Variants in ZFYVE9 observed in about 807,000 individuals in gnomAD.
ZFYVE9 encodes zinc finger FYVE domain-containing protein 9.
A neutral mutation model predicts 126.7 loss-of-function variants in ZFYVE9; 43 were observed. That is an observed-to-expected ratio of 0.34 (90% CI 0.27 to 0.44). The LOEUF (loss-of-function observed/expected upper bound fraction) is 0.44. ZFYVE9 is among the 20% of genes least tolerant of loss of function. The pLI, the probability that ZFYVE9 is intolerant of heterozygous loss-of-function variation, is 1.00. For missense variants in ZFYVE9, 1,476 were observed against 1,697.0 expected (o/e 0.87, Z 2.29); for synonymous variants, 521 against 597.4 (o/e 0.87, Z 1.87).
intron 2 of ZFYVE9, among the ~76,000 whole-genome samples, chr1:52,223,658 C>T (rs1050775749): frequency 6.6e-6 from 1 of 152,078 alleles, no homozygotes; most frequent in African/African-American, 2.4e-5. Context: ...ATTCTATGGG[C>T]CTTTCATCTT....
chr1:52,323,913 G>T (rs1295776119), intron 13 of ZFYVE9, among the ~76,000 whole-genome samples: 1 of 88,888 alleles, frequency 1.1e-5, no homozygotes, highest in Non-Finnish European at 2.5e-5. Flanking sequence ...AAAAAAAAAA[G>T]CCAGGCGTGA....
At chr1:52,301,350 G>A (rs1294945501) in intron 12 of ZFYVE9, among the ~76,000 whole-genome samples, 1 of 125,908 alleles carries the variant, frequency 7.9e-6, no homozygotes, top group African/African-American at 3.0e-5. Context: ...TGCCCAGGCT[G>A]GAGTGCAGTG....
chr1:52,298,031 G>A (rs904559749), intron 12 of ZFYVE9, among the ~76,000 whole-genome samples: 1 of 152,056 alleles, frequency 6.6e-6, no homozygotes, highest in African/African-American at 2.4e-5. Flanking sequence ...GGTTAAATTT[G>A]TTATATATTC....
chr1:52,186,520 A>G (rs1282018903), intron 1 of ZFYVE9, among the ~76,000 whole-genome samples: 1 of 152,156 alleles, frequency 6.6e-6, no homozygotes, highest in Non-Finnish European at 1.5e-5. Context: ...GAAAAGAAGT[A>G]AAACTATCAT....
At position 52,239,079 on chromosome 1, in the gene ZFYVE9, T is replaced by G. The variant is rs1416070640; in HGVS notation, c.1662T>G (p.Val554=). The change falls in exon 4 of 19, where the codon GTT becomes GTG. Residue 554 remains valine, a synonymous_variant. Transcript: ENST00000287727. ...ATTTACATAATTTCTGTAGTCAAGT[T>G]CCATCAGTGCTTGGGCAATCTTCCC... ...KNYLHNFCSQ[V]PSVLGQSSPK... is the part of the protein sequence containing the mutation. The G allele has an allele frequency of 1.2e-6, 2 of 1,614,124 alleles. No individual in the cohort carries two copies. Among genetic ancestry groups the G allele is most frequent in the South Asian group, 2.2e-5 (2 of 91,090 alleles).
intron 12 of ZFYVE9, among the ~76,000 whole-genome samples, chr1:52,303,429 T>C (rs1646053708): frequency 6.6e-6 from 1 of 152,178 alleles, no homozygotes; most frequent in African/African-American, 2.4e-5. Context: ...AGATATTCAT[T>C]GAGTGCCTAA....
chr1:52,244,819 C>T (rs968907560), intron 4 of ZFYVE9, among the ~76,000 whole-genome samples: 8 of 152,118 alleles, frequency 5.3e-5, no homozygotes, highest in Admixed American at 2.6e-4. Context: ...TGTGCTACTA[C>T]CTGTCTACCT....
At chr1:52,287,137 C>T (rs189374487) in intron 10 of ZFYVE9, among the ~76,000 whole-genome samples, 197 of 151,966 alleles carry the variant, frequency 1.3e-3, no homozygotes, top group African/African-American at 4.4e-3. Context: ...TCGCCCGGGC[C>T]GGAGTGCAGT....
At chr1:52,309,146 A>G (rs557675527) in intron 13 of ZFYVE9, among the ~76,000 whole-genome samples, 23 of 152,192 alleles carry the variant, frequency 1.5e-4, no homozygotes, top group Non-Finnish European at 2.6e-4. Flanking sequence ...GATGAATGAA[A>G]GATTTGAAAT....
At chr1:52,254,069 A>G (rs764310301) in intron 4 of ZFYVE9, 57 of 767,506 alleles carry the variant, frequency 7.4e-5, no homozygotes, top group Non-Finnish European at 1.8e-5. Context: ...AATGGAAAAG[A>G]CACCCACCCA....
intron 10 of ZFYVE9, among the ~76,000 whole-genome samples, chr1:52,290,261 G>C (rs1569682254): frequency 6.6e-6 from 1 of 152,292 alleles, no homozygotes; most frequent in African/African-American, 2.4e-5. Context: ...GTGCGTGAGG[G>C]CATGTGTATA....
At chr1:52,281,436 ATCATTTTTCCAAG>A (rs1197562316) in intron 9 of ZFYVE9, among the ~76,000 whole-genome samples, 1 of 152,136 alleles carries the variant, frequency 6.6e-6, no homozygotes, top group African/African-American at 2.4e-5. Flanking sequence ...GCCGTCCTCA[ATCATTTTTCCAAG>A]TGTTTAGAAA....
chr1:52,225,925 C>T (rs1645166647), intron 2 of ZFYVE9, among the ~76,000 whole-genome samples: 1 of 152,060 alleles, frequency 6.6e-6, no homozygotes, highest in Non-Finnish European at 1.5e-5. Context: ...GTTTAATAAA[C>T]AGAAGAAAGG....
intron 1 of ZFYVE9, among the ~76,000 whole-genome samples, chr1:52,189,556 A>G (rs1644798071): frequency 6.6e-6 from 1 of 151,928 alleles, no homozygotes; most frequent in Non-Finnish European, 1.5e-5. Context: ...GATTTTTAGT[A>G]GAGATGGGGT....
In ZFYVE9 at chr1:52,251,026, TTTGTTGTTGTTG is replaced by T. The variant is rs200636201; in HGVS notation, c.2178+11458_2178+11469del. Among the ~76,000 whole-genome samples the T allele has an allele frequency of 5.8e-3, 854 of 147,036 alleles. 7 individuals carry two copies. The highest frequency in any genetic ancestry group is 0.026 in the East Asian group (130 of 5,044). On this transcript the variant is annotated intron_variant, in intron 4 of 18. Coordinates refer to ENST00000287727, the MANE Select transcript of ZFYVE9 (RefSeq NM_004799.4). The stretch of plus-strand genomic sequence containing the variant: ...CATGCTTGGCCAGTTTTCAGTCGTT[TTTGTTGTTGTTG>T]TTGTTGTTGTTGTTGTTGTTGTTGT...
intron 5 of ZFYVE9, 40 bp from the exon 6 acceptor site, chr1:52,266,615 T>A: frequency 6.6e-7 from 1 of 1,513,236 alleles, no homozygotes; most frequent in Non-Finnish European, 8.8e-7. Context: ...GTCCATATTT[T>A]GCAATCCATT....
chr1:52,300,366 C>T (rs1010086442), intron 12 of ZFYVE9, among the ~76,000 whole-genome samples: 3 of 151,870 alleles, frequency 2.0e-5, no homozygotes, highest in African/African-American at 7.3e-5. Context: ...CCAAGGCAGG[C>T]GGATCACGAT....
chr1:52,240,514 G>T (rs1417157032), intron 4 of ZFYVE9, among the ~76,000 whole-genome samples: 1 of 151,948 alleles, frequency 6.6e-6, no homozygotes, highest in Non-Finnish European at 1.5e-5. Flanking sequence ...TATTAATTAG[G>T]GTGCTTTCAA....
intron 13 of ZFYVE9, among the ~76,000 whole-genome samples, chr1:52,320,419 G>A (rs1646228789): frequency 6.6e-6 from 1 of 152,164 alleles, no homozygotes; most frequent in Non-Finnish European, 1.5e-5. Context: ...TTGTTTGGGT[G>A]TAAATATATA....
Sources: allele counts gnomAD v4.1 joint callset (sites outside exome capture counted in the v4.1 genomes callset), GRCh38; gene constraint gnomAD v4.1.1; transcripts MANE v1.5; gene names NCBI Gene and HGNC (gene_info 2026-07-23, HGNC 2026-07-21).